RSPO2: variants seen among roughly 807,000 people sequenced by gnomAD.
RSPO2 encodes R-spondin 2, also known as R-spondin-2.
RSPO2 carries 14 observed loss-of-function variants against 30.9 expected under a neutral mutation model. The ratio of observed to expected loss-of-function variants is 0.45; its 90% confidence interval spans 0.30 to 0.71. The LOEUF is 0.71. Ranked by LOEUF, RSPO2 falls within the 30% of genes least tolerant of loss-of-function variation. The probability of loss-of-function intolerance (pLI) is 0.08; values close to 1 mark genes in which losing one functional copy is unlikely to be tolerated. For missense variants in RSPO2, 264 were observed against 301.9 expected (o/e 0.87, Z 0.93); for synonymous variants, 107 against 96.4 (o/e 1.11, Z -0.64).
rs2130432722 is a variant in RSPO2 at position 107,958,114 on chromosome 8, C to T, written c.582G>A (p.Arg194=). ...AATGCCTCATTGTCATCTTGCATCT[C>T]CTGGATTCAGCAATGGTTGGACACA... ...TILCPTIAES[R]RCKMTMRHCP... is the part of the protein sequence containing the mutation. Residue 194 remains arginine (R), a synonymous_variant, in exon 5 of 6, where the codon AGG becomes AGA. Transcript: ENST00000276659. 2 of 1,613,762 alleles carry T rather than the reference C, an allele frequency of 1.2e-6. No homozygotes were observed. Among genetic ancestry groups the T allele is most frequent in the East Asian group, 4.5e-5 (2 of 44,870 alleles).
intron 5 of RSPO2, among the ~76,000 whole-genome samples, chr8:107,938,367 C>T (rs1190571060): frequency 6.6e-6 from 1 of 152,114 alleles, no homozygotes; most frequent in Non-Finnish European, 1.5e-5. Flanking sequence ...TTTATGAATT[C>T]CTACAAGAAT....
intron 2 of RSPO2, among the ~76,000 whole-genome samples, chr8:108,010,967 T>TA (rs1810685958): frequency 4.0e-5 from 6 of 151,458 alleles, no homozygotes; most frequent in Admixed American, 3.9e-4. Context: ...TGTCTCCACA[T>TA]ACAAAAAAAT....
chr8:108,063,026 G>T (rs1029321778), intron 2 of RSPO2, among the ~76,000 whole-genome samples: 11 of 151,470 alleles, frequency 7.3e-5, no homozygotes, highest in African/African-American at 2.5e-4. Context: ...TTGATAGGAA[G>T]TATCTCAAAA....
At chr8:108,055,582 G>A (rs1429600416) in intron 2 of RSPO2, among the ~76,000 whole-genome samples, 2 of 152,100 alleles carry the variant, frequency 1.3e-5, no homozygotes, top group African/African-American at 2.4e-5. Flanking sequence ...AAGAAAAGGA[G>A]TTCAAAACAT....
At chr8:108,041,406 G>C (rs73307330) in intron 2 of RSPO2, among the ~76,000 whole-genome samples, 4,750 of 152,128 alleles carry the variant, frequency 0.031, 238 homozygotes, top group African/African-American at 0.11. Context: ...GGGAATGAGA[G>C]AAGATACACA....
intron 5 of RSPO2, among the ~76,000 whole-genome samples, chr8:107,946,977 G>T (rs1813082782): frequency 6.6e-6 from 1 of 152,228 alleles, no homozygotes; most frequent in African/African-American, 2.4e-5. Flanking sequence ...AGCAGGAAGA[G>T]CTGTAAGCAG....
intron 5 of RSPO2, among the ~76,000 whole-genome samples, chr8:107,939,811 T>C (rs1233011518): frequency 6.6e-6 from 1 of 152,074 alleles, no homozygotes; most frequent in Non-Finnish European, 1.5e-5. Flanking sequence ...AAAAAATCCT[T>C]GATTTTTCTG....
intron 3 of RSPO2, among the ~76,000 whole-genome samples, chr8:107,968,313 G>T (rs1486032755): frequency 6.6e-6 from 1 of 152,068 alleles, no homozygotes; most frequent in African/African-American, 2.4e-5. Context: ...GGATGGAACT[G>T]GGGGACATTA....
chr8:108,004,223 T>C (rs535764150), intron 2 of RSPO2, among the ~76,000 whole-genome samples: 2 of 152,230 alleles, frequency 1.3e-5, no homozygotes, highest in South Asian at 2.1e-4. Context: ...TAAAGAGAAA[T>C]CTTCAGAATT....
At chr8:107,977,387 G>T (rs112777372) in intron 3 of RSPO2, among the ~76,000 whole-genome samples, 1 of 152,120 alleles carries the variant, frequency 6.6e-6, no homozygotes, top group Non-Finnish European at 1.5e-5. Context: ...AAACTCTGGC[G>T]GTGCAATCTT....
chr8:107,981,895 A>G (rs1203727565), intron 3 of RSPO2, among the ~76,000 whole-genome samples: 2 of 150,776 alleles, frequency 1.3e-5, no homozygotes, highest in African/African-American at 4.9e-5. Context: ...TTAGCTGGCT[A>G]TAGTGGCACA....
chr8:107,969,086 G>C (rs1258042145), intron 3 of RSPO2, among the ~76,000 whole-genome samples: 1 of 152,026 alleles, frequency 6.6e-6, no homozygotes, highest in Non-Finnish European at 1.5e-5. Context: ...CCTGGGGTGT[G>C]GGGACAGATG....
intron 5 of RSPO2, among the ~76,000 whole-genome samples, chr8:107,909,727 TAAC>T (rs1649008938): frequency 6.6e-6 from 1 of 152,216 alleles, no homozygotes; most frequent in South Asian, 2.1e-4. Context: ...TCTGCATAAA[TAAC>T]AACTTCTCTG....
intron 2 of RSPO2, among the ~76,000 whole-genome samples, chr8:108,067,720 T>G (rs1812715590): frequency 6.6e-6 from 1 of 152,194 alleles, no homozygotes; most frequent in African/African-American, 2.4e-5. Flanking sequence ...CCATGTATAG[T>G]AGGCAATATT....
At chr8:108,083,008 T>C in intron 1 of RSPO2, 189 bp downstream of exon 1, 1 of 217,880 alleles carries the variant, frequency 4.6e-6, no homozygotes, top group Non-Finnish European at 9.0e-6. Context: ...AATCAGTGAA[T>C]TAGCAACCTC....
intron 2 of RSPO2, among the ~76,000 whole-genome samples, chr8:107,996,340 CA>C (rs1815024545): frequency 6.6e-6 from 1 of 152,138 alleles, no homozygotes; most frequent in South Asian, 2.1e-4. Context: ...ACCCCTTTAA[CA>C]TGAACAACTG....
chr8:107,913,497 G>A (rs571491015), intron 5 of RSPO2, among the ~76,000 whole-genome samples: 1 of 152,036 alleles, frequency 6.6e-6, no homozygotes, highest in African/African-American at 2.4e-5. Context: ...CAAATATTTT[G>A]GTCACTTCAG....
intron 2 of RSPO2, chr8:107,989,496 G>A: frequency 2.4e-6 from 1 of 410,842 alleles, no homozygotes; most frequent in Non-Finnish European, 4.3e-6. Context: ...TGGCTCATGG[G>A]GATGTCAGAC....
intron 5 of RSPO2, among the ~76,000 whole-genome samples, chr8:107,919,473 A>G (rs1812084040): frequency 6.6e-6 from 1 of 152,164 alleles, no homozygotes; most frequent in South Asian, 2.1e-4. Context: ...CCAAGAAATT[A>G]GCCACAAGAT....
Sources: allele counts gnomAD v4.1 joint callset (sites outside exome capture counted in the v4.1 genomes callset), GRCh38; gene constraint gnomAD v4.1.1; transcripts MANE v1.5; gene names NCBI Gene and HGNC (gene_info 2026-07-23, HGNC 2026-07-21).